PHTF2: variants seen among roughly 807,000 people sequenced by gnomAD.
PHTF2 encodes the protein protein PHTF2.
Under a neutral mutation model 101.2 loss-of-function variants are expected in PHTF2, and 60 were observed. That is an observed-to-expected ratio of 0.59 (90% CI 0.48 to 0.73). The LOEUF is 0.73. Ranked by LOEUF, PHTF2 falls within the 30% of genes least tolerant of loss-of-function variation. PHTF2 has a pLI of 0.00. For synonymous variants in PHTF2, 311 were observed against 307.3 expected, an observed-to-expected ratio of 1.01 and a Z score of -0.13; for missense variants, 747 against 908.7, an observed-to-expected ratio of 0.82 and a Z score of 2.29.
chr7:77,834,123 G>A (rs1795265363), intron 1 of PHTF2, among the ~76,000 whole-genome samples: 1 of 151,826 alleles, frequency 6.6e-6, no homozygotes, highest in South Asian at 2.1e-4. Context: ...TTCCAGCCTG[G>A]ACAACATAGC....
chr7:77,954,654 C>A (rs993451145), intron 19 of PHTF2, among the ~76,000 whole-genome samples: 1 of 117,640 alleles, frequency 8.5e-6, no homozygotes, highest in African/African-American at 4.1e-5. Flanking sequence ...ATAGCCACTT[C>A]TCAAGAGAAA....
intron 3 of PHTF2, among the ~76,000 whole-genome samples, chr7:77,888,925 G>GT (rs1562917431): frequency 6.6e-6 from 1 of 152,024 alleles, no homozygotes; most frequent in African/African-American, 2.4e-5. Context: ...TGCATTATTC[G>GT]TGTTTAGAGG....
chr7:77,893,819 C>T (rs541163275), intron 4 of PHTF2, among the ~76,000 whole-genome samples, 155 bp downstream of exon 3: 3 of 152,174 alleles, frequency 2.0e-5, no homozygotes, highest in South Asian at 4.2e-4. Context: ...ACCATAGTCA[C>T]GTTTACTCCT....
intron 5 of PHTF2, chr7:77,895,045 T>A (rs1485820765): frequency 8.0e-6 from 3 of 376,244 alleles, no homozygotes; most frequent in African/African-American, 6.4e-5. Flanking sequence ...AGCAGAAGAT[T>A]ATATTTTGAC....
intron 3 of PHTF2, among the ~76,000 whole-genome samples, chr7:77,879,089 A>G (rs1208275683): frequency 6.6e-6 from 1 of 152,204 alleles, no homozygotes; most frequent in Non-Finnish European, 1.5e-5. Context: ...AACCATATCC[A>G]GTGAGTTTCC....
At chr7:77,939,113 A>G (rs2150969801) in intron 13 of PHTF2, among the ~76,000 whole-genome samples, 1 of 152,290 alleles carries the variant, frequency 6.6e-6, no homozygotes, top group Non-Finnish European at 1.5e-5. Context: ...TGGCTACATG[A>G]TAGTTAAGAT....
intron 13 of PHTF2, 69 bp from the exon 13 acceptor site, chr7:77,939,961 T>A: frequency 5.4e-6 from 6 of 1,119,142 alleles, no homozygotes; most frequent in Non-Finnish European, 7.6e-6. Flanking sequence ...TATAAATAAT[T>A]CTACTGTAGA....
intron 9 of PHTF2, among the ~76,000 whole-genome samples, chr7:77,915,122 G>C (rs943698658): frequency 6.6e-6 from 1 of 151,610 alleles, no homozygotes; most frequent in African/African-American, 2.4e-5. Context: ...GTGTTGGCTG[G>C]GATGGTCTTG....
At chr7:77,954,638 A>ATATATATATATATAT (rs1562982915) in intron 19 of PHTF2, among the ~76,000 whole-genome samples, 8 of 139,090 alleles carry the variant, frequency 5.8e-5, no homozygotes, top group African/African-American at 2.0e-4. Context: ...ATATATATAT[A>ATATATATATATATAT]TATATATAGC....
intron 15 of PHTF2, among the ~76,000 whole-genome samples, chr7:77,941,258 A>G (rs1805615389): frequency 6.6e-6 from 1 of 152,186 alleles, no homozygotes; most frequent in African/African-American, 2.4e-5. Context: ...CCTAATAATA[A>G]TAATGCCCTA....
intron 8 of PHTF2, 142 bp from the exon 8 acceptor site, chr7:77,910,103 A>C: frequency 1.6e-6 from 1 of 621,464 alleles, no homozygotes; most frequent in South Asian, 2.4e-5. Flanking sequence ...TTTGGATTAA[A>C]TTTTATCTAG....
intron 5 of PHTF2, among the ~76,000 whole-genome samples, chr7:77,897,114 A>G (rs1336974812): frequency 6.6e-6 from 1 of 152,074 alleles, no homozygotes. Context: ...AAAGCTTCTT[A>G]AAAGACTAGA....
intron 1 of PHTF2, among the ~76,000 whole-genome samples, chr7:77,835,648 T>C (rs1795399661): frequency 6.6e-6 from 1 of 152,212 alleles, no homozygotes. Flanking sequence ...ACCCCTGTGC[T>C]GTGGAAAATT....
chr7:77,932,621 A>AGTGTGT (rs56005414), intron 12 of PHTF2, among the ~76,000 whole-genome samples: 1,638 of 118,534 alleles, frequency 0.014, 12 homozygotes, highest in Middle Eastern at 0.018. Flanking sequence ...AGAGAGAGAG[A>AGTGTGT]GTGTGTGTGT....
At chr7:77,897,015 C>T (rs1295355392) in intron 5 of PHTF2, among the ~76,000 whole-genome samples, 1 of 152,082 alleles carries the variant, frequency 6.6e-6, no homozygotes, top group African/African-American at 2.4e-5. Context: ...GAAATTATAA[C>T]TAAAAACTTT....
At chr7:77,856,076 G>A (rs1282101339) in intron 3 of PHTF2, among the ~76,000 whole-genome samples, 1 of 152,134 alleles carries the variant, frequency 6.6e-6, no homozygotes, top group Admixed American at 6.5e-5. Flanking sequence ...ACCTAAATAT[G>A]ATTTCTTGAA....
intron 3 of PHTF2, among the ~76,000 whole-genome samples, chr7:77,870,158 C>G (rs1277612616): frequency 6.6e-6 from 1 of 151,400 alleles, no homozygotes; most frequent in Non-Finnish European, 1.5e-5. Flanking sequence ...AATTCTTTGC[C>G]TAGATCAGTG....
At chr7:77,826,737 GA>G (rs1447246221) in intron 1 of PHTF2, among the ~76,000 whole-genome samples, 1 of 152,218 alleles carries the variant, frequency 6.6e-6, no homozygotes, top group Non-Finnish European at 1.5e-5. Context: ...AATTTTCAAA[GA>G]GGATGATGGA....
exon 20 of PHTF2, chr7:77,956,375 A>C (rs1221329525): frequency 6.6e-6 from 1 of 152,524 alleles, no homozygotes; most frequent in Non-Finnish European, 1.5e-5. Flanking sequence ...ATGTCATATC[A>C]CTTTGCTCTT....
Sources: gnomAD v4.1 joint callset for allele counts (sites outside exome capture counted in the v4.1 genomes callset) on GRCh38, gnomAD v4.1.1 for gene constraint, MANE v1.5 for transcripts, NCBI Gene and HGNC (gene_info 2026-07-23, HGNC 2026-07-21) for gene names.